The following PDE1C variants were observed in gnomAD, a reference collection of about 807,000 sequenced individuals.
PDE1C encodes phosphodiesterase 1C.
In PDE1C, 62 loss-of-function variants were observed where a neutral mutation model predicts 93.1. The observed-to-expected ratio is 0.67, with a 90% CI of 0.54 to 0.82. PDE1C has a LOEUF of 0.82. PDE1C is among the 40% of genes least tolerant of loss of function. The pLI is 0.00. For missense variants in PDE1C, 742 were observed against 884.6 expected (o/e 0.84, Z 2.04); for synonymous variants, 325 against 310.1 (o/e 1.05, Z -0.50).
intron 1 of PDE1C, among the ~76,000 whole-genome samples, chr7:32,277,623 A>T (rs1041245433): frequency 1.3e-5 from 2 of 152,260 alleles, no homozygotes; most frequent in African/African-American, 2.4e-5. Context: ...CTCTTGATGT[A>T]GTCTGGCTTC....
At chr7:31,810,267 G>T (rs1438904444) in intron 15 of PDE1C, among the ~76,000 whole-genome samples, 2 of 151,998 alleles carry the variant, frequency 1.3e-5, no homozygotes. Flanking sequence ...TTTCTTTTTA[G>T]CCTGCATAAA....
chr7:32,057,340 G>A (rs1292844743), intron 1 of PDE1C, among the ~76,000 whole-genome samples: 4 of 152,106 alleles, frequency 2.6e-5, no homozygotes, highest in South Asian at 2.1e-4. Context: ...GTTTATGTCC[G>A]GAATGTTTCA....
intron 1 of PDE1C, among the ~76,000 whole-genome samples, chr7:32,363,959 T>C (rs1033146614): frequency 1.3e-5 from 2 of 152,240 alleles, no homozygotes; most frequent in East Asian, 3.9e-4. Context: ...CATGCTGATA[T>C]CATTGTCATT....
upstream of PDE1C, chr7:32,070,775 A>C: frequency 9.9e-7 from 1 of 1,011,408 alleles, no homozygotes; most frequent in Non-Finnish European, 1.2e-6. Flanking sequence ...GCGCAGCTAA[A>C]GGGTTTGGAG....
At chr7:32,217,439 A>G (rs1364442372) in intron 1 of PDE1C, among the ~76,000 whole-genome samples, 1 of 150,956 alleles carries the variant, frequency 6.6e-6, no homozygotes, top group African/African-American at 2.4e-5. Flanking sequence ...ATCAATAGTA[A>G]AGCAAAAGGC....
chr7:31,789,939 A>G, intron 16 of PDE1C: 2 of 1,172,714 alleles, frequency 1.7e-6, no homozygotes, highest in Non-Finnish European at 2.1e-6. Flanking sequence ...GTCATTAGCA[A>G]AGGATTTTGA....
At chr7:31,913,719 A>G (rs1308793203) in intron 2 of PDE1C, among the ~76,000 whole-genome samples, 1 of 152,244 alleles carries the variant, frequency 6.6e-6, no homozygotes, top group Non-Finnish European at 1.5e-5. Context: ...ATGCTGTGTC[A>G]TCCCCTTTGA....
At chr7:32,262,735 G>T (rs6948856) in intron 1 of PDE1C, among the ~76,000 whole-genome samples, 10 of 152,174 alleles carry the variant, frequency 6.6e-5, no homozygotes, top group Non-Finnish European at 1.3e-4. Context: ...TGGGAAGGGG[G>T]AGCCCCCGTA....
At chr7:31,740,413 T>A in the PDE1C span, among the ~76,000 whole-genome samples, 4 of 152,202 alleles carry the variant, frequency 2.6e-5, no homozygotes, top group African/African-American at 9.6e-5. Flanking sequence ...TGAGTCTAAG[T>A]AAGACTTTTA....
intron 1 of PDE1C, among the ~76,000 whole-genome samples, chr7:32,273,721 G>A (rs1269957011): frequency 1.3e-5 from 2 of 152,194 alleles, no homozygotes; most frequent in African/African-American, 2.4e-5. Context: ...GCAGCTATAG[G>A]TGTGTCTATA....
At chr7:32,385,978 C>T (rs377592122) in intron 1 of PDE1C, among the ~76,000 whole-genome samples, 4 of 152,030 alleles carry the variant, frequency 2.6e-5, no homozygotes, top group Admixed American at 6.6e-5. Flanking sequence ...CCAGAGACTA[C>T]GATGGCCAAG....
chr7:31,859,869 T>C (rs888898642), intron 7 of PDE1C, among the ~76,000 whole-genome samples: 5 of 152,212 alleles, frequency 3.3e-5, no homozygotes, highest in South Asian at 2.1e-4. Flanking sequence ...ATATACATCA[T>C]GTAGAACATA....
chr7:32,300,221 T>A (rs537838559), upstream of PDE1C, among the ~76,000 whole-genome samples: 4 of 152,318 alleles, frequency 2.6e-5, no homozygotes, highest in East Asian at 7.7e-4. Flanking sequence ...CTTTTTCAAT[T>A]CACCATGTAT....
intron 1 of PDE1C, among the ~76,000 whole-genome samples, chr7:32,358,226 C>T (rs1360941452): frequency 6.6e-6 from 1 of 152,206 alleles, no homozygotes; most frequent in Non-Finnish European, 1.5e-5. Flanking sequence ...TTGCCCATGC[C>T]CTCCAGAACA....
intron 1 of PDE1C, among the ~76,000 whole-genome samples, chr7:32,323,762 G>C (rs919469215): frequency 6.6e-6 from 1 of 152,214 alleles, no homozygotes; most frequent in Non-Finnish European, 1.5e-5. Flanking sequence ...ATTAGGACCT[G>C]AGGATGAAGC....
the PDE1C span, among the ~76,000 whole-genome samples, chr7:31,730,844 A>C: frequency 6.6e-6 from 1 of 152,020 alleles, no homozygotes; most frequent in Non-Finnish European, 1.5e-5. Flanking sequence ...TGTAAAGATA[A>C]GATGACAAGT....
chr7:32,038,556 C>T lies in PDE1C; in HGVS notation c.128+12998G>A, dbSNP rs562063982. Among the ~76,000 whole-genome samples, 13 of 152,274 alleles carry T rather than the reference C, an allele frequency of 8.5e-5. No homozygotes were observed. The South Asian group carries it at 1.0e-3, about 12-fold the overall frequency. ...TAGTAAGCCCCACCCTGAGAATAAG[C>T]TTAACTGGCCGAAAAATCACAAAGT... On this transcript the variant is annotated intron_variant, in intron 2 of 17. Transcript: ENST00000396191.
chr7:31,872,691 T>G (rs1378145244), intron 6 of PDE1C, among the ~76,000 whole-genome samples: 1 of 152,130 alleles, frequency 6.6e-6, no homozygotes, highest in African/African-American at 2.4e-5. Flanking sequence ...GGCAGATGAC[T>G]ACATCAACTC....
the PDE1C span, among the ~76,000 whole-genome samples, chr7:31,715,625 T>C: frequency 6.6e-6 from 1 of 152,236 alleles, no homozygotes; most frequent in African/African-American, 2.4e-5. Context: ...GTGTTGACAT[T>C]ATAGCCCAGA....
Sources: allele counts gnomAD v4.1 joint callset (sites outside exome capture counted in the v4.1 genomes callset), GRCh38; gene constraint gnomAD v4.1.1; transcripts MANE v1.5; gene names NCBI Gene and HGNC (gene_info 2026-07-23, HGNC 2026-07-21).